Variants in RIPK4 observed in about 807,000 individuals in gnomAD.
RIPK4 encodes the protein receptor interacting serine/threonine kinase 4.
A neutral mutation model predicts 42.9 loss-of-function variants in RIPK4; 17 were observed. The ratio of observed to expected loss-of-function variants is 0.40; its 90% CI spans 0.27 to 0.59. The LOEUF (loss-of-function observed/expected upper bound fraction) is 0.59. Ranked by LOEUF, RIPK4 falls within the 20% of genes least tolerant of loss-of-function variation. The probability of loss-of-function intolerance (pLI) is 0.47; values close to 1 mark genes in which losing one functional copy is unlikely to be tolerated. For missense variants in RIPK4, 897 were observed against 1,104.4 expected (o/e 0.81, Z 2.66); for synonymous variants, 498 against 499.1 (o/e 1.00, Z 0.03).
intron 1 of RIPK4, among the ~76,000 whole-genome samples, chr21:41,765,932 A>C (rs544974244): frequency 6.6e-6 from 1 of 152,322 alleles, no homozygotes; most frequent in East Asian, 1.9e-4. Context: ...CAAATTATGC[A>C]CAGACGACAA....
chr21:41,759,525 G>A (rs1304488698), intron 1 of RIPK4, among the ~76,000 whole-genome samples: 1 of 152,148 alleles, frequency 6.6e-6, no homozygotes, highest in African/African-American at 2.4e-5. Flanking sequence ...CAGCTGGCTG[G>A]GGTGGCCTCC....
At position 41,740,138 on chromosome 21, in the gene RIPK4, G is replaced by A. The variant is rs1262216152; in HGVS notation, c.*700C>T. ...GCTAGTACCATGTGGGCACGTGTGT[G>A]TGGTTGTCCACAAGGACTCACCCAA... On this transcript the variant is annotated 3_prime_UTR_variant, in exon 8 of 8. Transcript: ENST00000332512. The A allele has an allele frequency of 6.6e-6, 1 of 152,212 alleles. No homozygotes were observed. Among genetic ancestry groups the A allele is most frequent in the African/African-American group, 2.4e-5 (1 of 41,452 alleles). The allele number at this position is 152,212 out of a possible 1,614,324, so 9.4% of individuals were successfully genotyped here.
rs543933391 is a variant in RIPK4 at position 41,739,646 on chromosome 21, T to G, written c.*1192A>C. 2.6e-5 allele frequency: 4 copies of G among 152,316 alleles called. No individual in the cohort carries two copies. The highest frequency in any genetic ancestry group is 9.6e-5 in the African/African-American group (4 of 41,556). 9.4% of individuals were successfully genotyped at this position (152,316 alleles called of 1,614,324 possible). A position where few individuals can be genotyped will look rare whatever the true frequency, so the allele number is the denominator to read the frequency against. ...CAACAAACTTATTCTAATAACAGTA[T>G]TCAGAAGGCACCCTATGGGACACAG... On this transcript the variant is annotated 3_prime_UTR_variant, in exon 8 of 8. Coordinates refer to ENST00000332512, the MANE Select transcript of RIPK4 (RefSeq NM_020639.3).
At position 41,751,010 on chromosome 21, in the gene RIPK4, T is replaced by C. The variant is rs1379654021; in HGVS notation, c.623+87A>G. 2.0e-6 allele frequency: 3 copies of C among 1,511,828 alleles called. No individual in the cohort carries two copies. Among genetic ancestry groups the C allele is most frequent in the Non-Finnish European group, 1.8e-6 (2 of 1,121,906 alleles). 93.7% of individuals were successfully genotyped at this position (1,511,828 alleles called of 1,614,324 possible). ...CATTTCTGACTGGCAGCAAGAGGCC[T>C]TTCTGAAAGCTGCAGCTCAGGGCAT... is the stretch of plus-strand genomic sequence containing the variant. On this transcript the variant is annotated intron_variant, in intron 3 of 7. Transcript: ENST00000332512. This position sits in a 1 kb window ranked among gnomAD's most constrained non-coding sequence, Gnocchi z 4.5.
chr21:41,751,118 T>C lies in RIPK4; in HGVS notation c.602A>G (p.Asp201Gly). The C allele has an allele frequency of 6.2e-7, 1 of 1,614,040 alleles. No homozygotes were observed. Among genetic ancestry groups the C allele is most frequent in the Non-Finnish European group, 8.5e-7 (1 of 1,179,996 alleles). ...ACACCTGTATACATCGTGCTTGGTG[T>C]CGAAGAGCCGGCTCTTCTCCCTGAT... ...ERIREKSRLF[D>G]TKHDVYSFAI... Residue 201 changes from aspartate (D) to glycine (G), a missense_variant, in exon 3 of 8, where the codon GAC (aspartate) becomes GGC (glycine). Asp to Gly is a moderately conservative substitution (Grantham distance 94, BLOSUM62 -1). Transcript: ENST00000332512. The surrounding 1 kb of genome is among the most constrained non-coding windows in gnomAD (Gnocchi z 4.5).
intron 1 of RIPK4, among the ~76,000 whole-genome samples, chr21:41,761,218 C>T (rs1013941664): frequency 4.6e-5 from 7 of 152,324 alleles, no homozygotes; most frequent in East Asian, 3.9e-4. Flanking sequence ...AAAATGAAAC[C>T]GGTCACCAAA....
At chr21:41,764,528 C>G (rs1312058062) in intron 1 of RIPK4, among the ~76,000 whole-genome samples, 2 of 151,942 alleles carry the variant, frequency 1.3e-5, no homozygotes, top group Non-Finnish European at 2.9e-5. Context: ...CACAAAGACC[C>G]TAGGAGAATC....
chr21:41,765,357 GA>G (rs1026818272), intron 1 of RIPK4, among the ~76,000 whole-genome samples: 12 of 152,212 alleles, frequency 7.9e-5, no homozygotes, highest in Non-Finnish European at 1.6e-4. Flanking sequence ...AGGCAGGGGA[GA>G]AAAAGTGCAC....
Position 41,751,260 on chromosome 21 carries a change from T to C in RIPK4, c.475-15A>G, listed in dbSNP as rs545748728. 2 of 1,613,854 alleles carry C rather than the reference T, an allele frequency of 1.2e-6. No homozygotes were observed. The highest frequency in any genetic ancestry group is 1.1e-5 in the South Asian group (1 of 91,058). ...AAATCAGAAATCTGCAACACAGCCATCAGAGCGGGGCTCATTAGCCTGCAA... is the reference window on the plus strand; with the variant it reads ...AAATCAGAAATCTGCAACACAGCCACCAGAGCGGGGCTCATTAGCCTGCAA... On this transcript the variant is annotated splice_polypyrimidine_tract_variant and intron_variant, in intron 2 of 7. Coordinates refer to ENST00000332512, the MANE Select transcript of RIPK4 (RefSeq NM_020639.3). The surrounding 1 kb of genome is among the most constrained non-coding windows in gnomAD (Gnocchi z 4.5).
chr21:41,757,998 CAAAA>C (rs530283443), intron 1 of RIPK4, among the ~76,000 whole-genome samples: 25 of 13,062 alleles, frequency 1.9e-3, no homozygotes, highest in East Asian at 2.7e-3. Context: ...GACTCCATAA[CAAAA>C]AAAAAAAAAA....
chr21:41,745,909 G>T, intron 5 of RIPK4, 47 bp from the exon 6 acceptor site: 1 of 1,407,422 alleles, frequency 7.1e-7, no homozygotes. Context: ...TGACTTCTGC[G>T]TACACACGCG....
rs2061157767 is a variant in RIPK4 at position 41,742,484 on chromosome 21, C to T, written c.1196-487G>A. Among the ~76,000 whole-genome samples, 1 of 152,200 alleles carries T rather than the reference C, an allele frequency of 6.6e-6. No homozygotes were observed. Among genetic ancestry groups the T allele is most frequent in the African/African-American group, 2.4e-5 (1 of 41,454 alleles). ...GCTCTTGCCCCACCTCGAAGTGGCA[C>T]CTCCTGACCTGGGGAGGTTAAGTCG... On this transcript the variant is annotated intron_variant, in intron 7 of 7. Coordinates refer to ENST00000332512, the MANE Select transcript of RIPK4 (RefSeq NM_020639.3). This position sits in a 1 kb window ranked among gnomAD's most constrained non-coding sequence, Gnocchi z 5.1.
intron 2 of RIPK4, among the ~76,000 whole-genome samples, chr21:41,753,568 C>G (rs971183391): frequency 6.6e-6 from 1 of 152,224 alleles, no homozygotes; most frequent in Non-Finnish European, 1.5e-5. Flanking sequence ...CCCACCCAAG[C>G]TGCCCCTCAC....
At position 41,741,655 on chromosome 21, in the gene RIPK4, T is replaced by C. The variant is rs1174876949; in HGVS notation, c.1538A>G (p.Gln513Arg). 1 of 1,613,626 alleles carries C rather than the reference T, an allele frequency of 6.2e-7. No homozygotes were observed. Among genetic ancestry groups the C allele is most frequent in the Non-Finnish European group, 8.5e-7 (1 of 1,180,010 alleles). ...DQWTALHFAA[Q>R]NGDESSTRLL... ...CCGTGTGCTAGACTCGTCCCCGTTC[T>C]GGGCTGCAAAGTGGAGGGCTGTCCA... The change falls in exon 8 of 8, where the codon CAG (glutamine) becomes CGG (arginine). Residue 513 changes from glutamine to arginine, a missense_variant. Coordinates refer to ENST00000332512, the MANE Select transcript of RIPK4 (RefSeq NM_020639.3).
At chr21:41,761,539 T>C (rs2146060696) in intron 1 of RIPK4, among the ~76,000 whole-genome samples, 1 of 152,222 alleles carries the variant, frequency 6.6e-6, no homozygotes, top group Non-Finnish European at 1.5e-5. Flanking sequence ...AGTCCTTCCG[T>C]AGGACTCAGA....
At chr21:41,747,687 G>A (rs1469608667) in intron 4 of RIPK4, among the ~76,000 whole-genome samples, 1 of 152,142 alleles carries the variant, frequency 6.6e-6, no homozygotes, top group African/African-American at 2.4e-5. Context: ...TGTTTAGCAG[G>A]CTATTTCCAT....
chr21:41,743,433 T>G (rs2061160579), intron 7 of RIPK4, among the ~76,000 whole-genome samples: 1 of 152,168 alleles, frequency 6.6e-6, no homozygotes, highest in Admixed American at 6.5e-5. Context: ...ACCAACACAT[T>G]ACTAGGCCTG....
At position 41,743,874 on chromosome 21, in the gene RIPK4, C is replaced by A; in HGVS notation, c.1195+8G>T. The A allele has an allele frequency of 6.3e-7, 1 of 1,586,118 alleles. No individual in the cohort carries two copies. Among genetic ancestry groups the A allele is most frequent in the Non-Finnish European group, 8.6e-7 (1 of 1,164,114 alleles). ...CATCTCTCGGGACACAGAGGCGTCC[C>A]CACTCACCGCTGGTTGAAGGTTCCC... On this transcript the variant is annotated splice_region_variant and intron_variant, in intron 7 of 7. Transcript: ENST00000332512.
At chr21:41,764,257 G>A (rs3787960) in intron 1 of RIPK4, among the ~76,000 whole-genome samples, 41,291 of 152,144 alleles carry the variant, frequency 0.27, 5,907 homozygotes, top group African/African-American at 0.32. Context: ...GCCAAGGGCC[G>A]GCTGAAGGCC....
Sources: allele counts gnomAD v4.1 joint callset (sites outside exome capture counted in the v4.1 genomes callset), GRCh38; gene constraint gnomAD v4.1.1; non-coding constraint Gnocchi (gnomAD v3.1); transcripts MANE v1.5; gene names NCBI Gene and HGNC (gene_info 2026-07-23, HGNC 2026-07-21).